Variants in FKBP15 observed in about 807,000 individuals in gnomAD.
FKBP15 encodes the protein FKBP prolyl isomerase family member 15, also known as FK506-binding protein 15.
In FKBP15, 106 loss-of-function variants were observed where a neutral mutation model predicts 158.1. That is an observed-to-expected ratio of 0.67 (90% confidence interval 0.57 to 0.79). FKBP15 has a LOEUF of 0.79. Ranked by LOEUF, FKBP15 falls within the 30% of genes least tolerant of loss-of-function variation. The pLI, the probability that FKBP15 is intolerant of heterozygous loss-of-function variation, is 0.00. For missense variants in FKBP15, 1,287 were observed against 1,479.1 expected, an observed-to-expected ratio of 0.87 and a Z score of 2.13; for synonymous variants, 547 against 548.6, an observed-to-expected ratio of 1.00 and a Z score of 0.04.
chr9:113,198,051 A>C lies in FKBP15; in HGVS notation c.717+804T>G, dbSNP rs914814762. On this transcript the variant is annotated intron_variant, in intron 8 of 27. Coordinates refer to ENST00000238256, the MANE Select transcript of FKBP15 (RefSeq NM_015258.2). This position sits in a 1 kb window ranked among gnomAD's most constrained non-coding sequence, Gnocchi z 5.2. ...CCATAATATACCACATGTGTAAAACATTCTTTATTTTATAAAACACCTGCA... is the reference window on the plus strand; with the variant it reads ...CCATAATATACCACATGTGTAAAACCTTCTTTATTTTATAAAACACCTGCA... Among the ~76,000 whole-genome samples, 4 of 152,224 alleles carry C rather than the reference A, an allele frequency of 2.6e-5. No individual in the cohort carries two copies. The highest frequency in any genetic ancestry group is 9.6e-5 in the African/African-American group (4 of 41,466).
chr9:113,162,684 T>G lies in FKBP15; in HGVS notation c.*3394A>C, dbSNP rs989715046. 2 of 1,459,304 alleles carry G rather than the reference T, an allele frequency of 1.4e-6. No individual in the cohort carries two copies. The highest frequency in any genetic ancestry group is 2.5e-5 in the South Asian group (2 of 79,230). The allele number at this position is 1,459,304 out of a possible 1,614,324, so 90.4% of individuals were successfully genotyped here. A position where few individuals can be genotyped will look rare whatever the true frequency, so the allele number is the denominator to read the frequency against. On this transcript the variant is annotated 3_prime_UTR_variant, in exon 28 of 28. Transcript: ENST00000238256. ...CTCAACAGCTTTCTACTCCCTGATATCTACTCCCAGCTTCCTCATTACCAG... is the reference window on the plus strand; with the variant it reads ...CTCAACAGCTTTCTACTCCCTGATAGCTACTCCCAGCTTCCTCATTACCAG...
intron 23 of FKBP15, 29 bp from the exon 24 acceptor site, chr9:113,171,735 C>T (rs1374957966): frequency 7.1e-7 from 1 of 1,416,868 alleles, no homozygotes; most frequent in Non-Finnish European, 9.3e-7. Context: ...GTGGCTGTGG[C>T]CTCAGGAACC....
Position 113,198,042 on chromosome 9 carries a change from G to A in FKBP15, c.717+813C>T, listed in dbSNP as rs1388853932. On this transcript the variant is annotated intron_variant, in intron 8 of 27. Transcript: ENST00000238256. This position sits in a 1 kb window ranked among gnomAD's most constrained non-coding sequence, Gnocchi z 5.2. ...GTCCTGACACCATAATATACCACATGTGTAAAACATTCTTTATTTTATAAA... is the reference window on the plus strand; with the variant it reads ...GTCCTGACACCATAATATACCACATATGTAAAACATTCTTTATTTTATAAA... Among the ~76,000 whole-genome samples the A allele has an allele frequency of 6.6e-6, 1 of 152,164 alleles. No homozygotes were observed. The highest frequency in any genetic ancestry group is 1.5e-5 in the Non-Finnish European group (1 of 68,024).
At chr9:113,207,162 T>A (rs1391730450) in intron 3 of FKBP15, 50 bp downstream of exon 3, 1 of 1,432,802 alleles carries the variant, frequency 7.0e-7, no homozygotes, top group South Asian at 1.2e-5. Context: ...GTAGCTTAAC[T>A]GCACGCCCTT....
rs182262299 is a variant in FKBP15, at chr9:113,201,714, G to A, written c.498+817C>T. Among the ~76,000 whole-genome samples the A allele has an allele frequency of 1.1e-3, 168 of 152,320 alleles. 1 individual carries two copies. The highest frequency in any genetic ancestry group is 3.7e-3 in the African/African-American group (155 of 41,566). ...TCTCAGACTTTCAGCCTCGAGAACC[G>A]TGAGAAATAAATTTCTGTTGCTTAA... On this transcript the variant is annotated intron_variant, in intron 6 of 27. Transcript: ENST00000238256.
chr9:113,212,446 C>T (rs1159051788), intron 1 of FKBP15, among the ~76,000 whole-genome samples: 1 of 152,210 alleles, frequency 6.6e-6, no homozygotes, highest in African/African-American at 2.4e-5. Flanking sequence ...ACCTCGGCCT[C>T]CCAAAGTGCT....
intron 19 of FKBP15, among the ~76,000 whole-genome samples, chr9:113,180,717 C>G (rs1042715042): frequency 2.6e-5 from 4 of 152,158 alleles, no homozygotes; most frequent in African/African-American, 9.7e-5. Context: ...GTCTTTTACC[C>G]TTTCATTCTC....
At chr9:113,177,713 T>C (rs574021773) in intron 20 of FKBP15, among the ~76,000 whole-genome samples, 34 of 152,338 alleles carry the variant, frequency 2.2e-4, no homozygotes, top group African/African-American at 8.2e-4. Flanking sequence ...TTTAGTTCTC[T>C]ATTAGGCAAA....
intron 6 of FKBP15, among the ~76,000 whole-genome samples, chr9:113,201,780 C>A (rs778387501): frequency 6.6e-6 from 1 of 152,188 alleles, no homozygotes; most frequent in South Asian, 2.1e-4. Context: ...GAACTGACAA[C>A]ATGCATATTA....
intron 1 of FKBP15, among the ~76,000 whole-genome samples, chr9:113,215,422 C>CACA (rs1473327309): frequency 6.6e-6 from 1 of 150,568 alleles, no homozygotes; most frequent in Non-Finnish European, 1.5e-5. Flanking sequence ...TCAGAACATA[C>CACA]ACAACATTTA....
chr9:113,199,036 A>C lies in FKBP15; in HGVS notation c.649-113T>G, dbSNP rs561380107. The C allele has an allele frequency of 3.8e-4, 262 of 698,048 alleles. 4 individuals carry two copies. The South Asian group carries it at 4.5e-3, about 12-fold the overall frequency. 43.2% of individuals were successfully genotyped at this position (698,048 alleles called of 1,614,324 possible). On this transcript the variant is annotated intron_variant, in intron 7 of 27. Coordinates refer to ENST00000238256, the MANE Select transcript of FKBP15 (RefSeq NM_015258.2). ...CTACTTCTGGAATAGGGAATGTCAA[A>C]TATACTGGGAAGATAGTTTCTAAAG... is the stretch of plus-strand genomic sequence containing the variant.
At chr9:113,167,246 C>T (rs1830113132) in intron 27 of FKBP15, among the ~76,000 whole-genome samples, 1 of 152,162 alleles carries the variant, frequency 6.6e-6, no homozygotes, top group Non-Finnish European at 1.5e-5. Context: ...GATAAAAGTA[C>T]CTACCTCATT....
intron 20 of FKBP15, among the ~76,000 whole-genome samples, chr9:113,177,622 A>C (rs1437117783): frequency 6.6e-6 from 1 of 152,240 alleles, no homozygotes; most frequent in Non-Finnish European, 1.5e-5. Context: ...CTGTCTCTAC[A>C]AAATATAAAA....
chr9:113,197,365 A>G (rs1830706216), intron 8 of FKBP15, among the ~76,000 whole-genome samples: 1 of 152,104 alleles, frequency 6.6e-6, no homozygotes, highest in South Asian at 2.1e-4. Context: ...AAGAAAAGCT[A>G]TCATTAAAAA....
In FKBP15 at chr9:113,207,693, G is replaced by T. The variant is rs141058964; in HGVS notation, c.170-397C>A. On this transcript the variant is annotated intron_variant, in intron 2 of 27. Coordinates refer to ENST00000238256, the MANE Select transcript of FKBP15 (RefSeq NM_015258.2). ...TCAAAATTGATCTTTATAATTTACAGTCAGTGTTGTAATGCTTTTATGATT... is the reference window on the plus strand; with the variant it reads ...TCAAAATTGATCTTTATAATTTACATTCAGTGTTGTAATGCTTTTATGATT... Among the ~76,000 whole-genome samples, 3 of 152,212 alleles carry T rather than the reference G, an allele frequency of 2.0e-5. No individual in the cohort carries two copies. In the East Asian group the frequency reaches 5.8e-4, roughly 29 times the overall value.
chr9:113,174,177 G>A (rs904636407), intron 22 of FKBP15, among the ~76,000 whole-genome samples: 1 of 151,978 alleles, frequency 6.6e-6, no homozygotes, highest in Non-Finnish European at 1.5e-5. Flanking sequence ...AATTTTTTTT[G>A]TAAGGAAACT....
rs1376008127 is a variant in FKBP15 at position 113,221,262 on chromosome 9, G to C, written c.-19C>G. The C allele has an allele frequency of 2.5e-6, 4 of 1,596,862 alleles. No homozygotes were observed. Among genetic ancestry groups the C allele is most frequent in the East Asian group, 2.3e-5 (1 of 43,698 alleles). On this transcript the variant is annotated 5_prime_UTR_variant, in exon 1 of 28. Transcript: ENST00000238256. ...CGAACATTGCGTTGGCTTTCACCGG[G>C]TTGCGGGGAGGAAGCTGGGTATTCC... is the stretch of plus-strand genomic sequence containing the variant.
At position 113,162,760 on chromosome 9, in the gene FKBP15, G is replaced by A. The variant is rs1437650543; in HGVS notation, c.*3318C>T. On this transcript the variant is annotated 3_prime_UTR_variant, in exon 28 of 28. Transcript: ENST00000238256. ...TCCTTTTTATCTAGGTGGTATTTGT[G>A]TCACTTTGGCCAGTCTCTAATCCAT... The A allele has an allele frequency of 1.9e-6, 3 of 1,611,834 alleles. No homozygotes were observed. The highest frequency in any genetic ancestry group is 2.7e-5 in the African/African-American group (2 of 74,884).
At position 113,169,491 on chromosome 9, in the gene FKBP15, T is replaced by G; in HGVS notation, c.3218A>C (p.Asn1073Thr). ...AASPMAAKPD[N>T]PSGKVCVREV... ...CCTGACACAGACCTTTCCTGATGGG[T>G]TGTCGGGCTTAGCTGCCATTGGGCT... The change falls in exon 26 of 28, where the codon AAC (asparagine) becomes ACC (threonine). Residue 1073 changes from asparagine (N) to threonine (T), a missense_variant. Transcript: ENST00000238256. 6.2e-7 allele frequency: 1 copy of G among 1,614,002 alleles called. No individual in the cohort carries two copies. Among genetic ancestry groups the G allele is most frequent in the Non-Finnish European group, 8.5e-7 (1 of 1,179,886 alleles).
Sources: gnomAD v4.1 joint callset for allele counts (sites outside exome capture counted in the v4.1 genomes callset) on GRCh38, gnomAD v4.1.1 for gene constraint, Gnocchi (gnomAD v3.1) non-coding constraint, MANE v1.5 for transcripts, NCBI Gene and HGNC (gene_info 2026-07-23, HGNC 2026-07-21) for gene names.